The following WWOX variants were observed in gnomAD, a reference collection of about 807,000 sequenced individuals.
WWOX encodes the protein WW domain containing oxidoreductase.
In WWOX, 69 loss-of-function variants were observed where a neutral mutation model predicts 46.2. That is an observed-to-expected ratio of 1.49 (90% CI 1.23 to 1.82). WWOX has a LOEUF of 1.82. Ranked by LOEUF, WWOX falls within the 40% of genes most tolerant of loss-of-function variation. The pLI is 0.00. For missense variants in WWOX, 919 were observed against 542.6 expected (o/e 1.69, Z -6.89); for synonymous variants, 359 against 202.6 (o/e 1.77, Z -6.56).
At chr16:78,662,091 G>A (rs142377943) in intron 8 of WWOX, among the ~76,000 whole-genome samples, 5,243 of 151,898 alleles carry the variant, frequency 0.035, 314 homozygotes, top group African/African-American at 0.12. Flanking sequence ...TGGTGGTGGT[G>A]GTAGTAGTAG....
At chr16:78,784,427 G>A (rs766214314) in intron 8 of WWOX, among the ~76,000 whole-genome samples, 21 of 151,964 alleles carry the variant, frequency 1.4e-4, no homozygotes, top group Non-Finnish European at 3.1e-4. Flanking sequence ...GGAGCCCTTA[G>A]GCCGCTGGTG....
At chr16:78,309,278 C>T (rs1247168325) in intron 5 of WWOX, among the ~76,000 whole-genome samples, 1 of 152,222 alleles carries the variant, frequency 6.6e-6, no homozygotes, top group Non-Finnish European at 1.5e-5. Context: ...TCTCTGCGTT[C>T]ATTCTGCTTC....
At chr16:78,145,956 C>T (rs971384202) in intron 4 of WWOX, 1 of 152,198 alleles carries the variant, frequency 6.6e-6, no homozygotes, top group Non-Finnish European at 1.5e-5. Flanking sequence ...ATCTGTTTCT[C>T]TTCCAAGAAA....
intron 8 of WWOX, among the ~76,000 whole-genome samples, chr16:79,020,528 G>T (rs1433130607): frequency 6.6e-6 from 1 of 152,196 alleles, no homozygotes; most frequent in Non-Finnish European, 1.5e-5. Context: ...AGTATGAAAA[G>T]ACAGGCTAGC....
At chr16:78,524,352 A>G (rs566812873) in intron 8 of WWOX, among the ~76,000 whole-genome samples, 6 of 152,226 alleles carry the variant, frequency 3.9e-5, no homozygotes, top group South Asian at 2.1e-4. Flanking sequence ...ATTAAAATGC[A>G]ACTTAATTGG....
intron 8 of WWOX, among the ~76,000 whole-genome samples, chr16:78,474,251 A>G (rs1369557307): frequency 6.6e-6 from 1 of 152,226 alleles, no homozygotes; most frequent in Non-Finnish European, 1.5e-5. Context: ...TTTTGATCAT[A>G]CTAACCTGGG....
At chr16:78,497,866 AT>A (rs749566824) in intron 8 of WWOX, among the ~76,000 whole-genome samples, 2,458 of 146,864 alleles carry the variant, frequency 0.017, 56 homozygotes, top group Admixed American at 0.043. Context: ...TTATAAAAAA[AT>A]TAAAAAAGCC....
At chr16:78,105,027 G>A (rs377422689) in intron 1 of WWOX, among the ~76,000 whole-genome samples, 2 of 152,312 alleles carry the variant, frequency 1.3e-5, no homozygotes, top group South Asian at 4.1e-4. Context: ...AGCTGGTTCC[G>A]GATTCTTCCC....
intron 8 of WWOX, among the ~76,000 whole-genome samples, chr16:78,724,789 T>C (rs1054337559): frequency 6.6e-6 from 1 of 152,142 alleles, no homozygotes; most frequent in South Asian, 2.1e-4. Context: ...GATTTGATGA[T>C]TTGATGAAGT....
chr16:78,147,607 A>G (rs1395682235), intron 4 of WWOX, among the ~76,000 whole-genome samples: 1 of 151,542 alleles, frequency 6.6e-6, no homozygotes, highest in Non-Finnish European at 1.5e-5. Flanking sequence ...AGGCAAAGTA[A>G]TATACCACTT....
chr16:78,231,238 C>A lies in WWOX; in HGVS notation c.516+66949C>A, dbSNP rs372984568. On this transcript the variant is annotated intron_variant, in intron 5 of 8. Coordinates refer to ENST00000566780, the MANE Select transcript of WWOX (RefSeq NM_016373.4). ...ACTCTTTCAAAGCCTTTTGCAAACT[C>A]TTTTATGGATTTTACTCACTGGTTG... is the stretch of plus-strand genomic sequence containing the variant. Among the ~76,000 whole-genome samples the A allele has an allele frequency of 3.3e-5, 5 of 152,174 alleles. No homozygotes were observed. In the South Asian group the frequency reaches 8.3e-4, roughly 25 times the overall value.
At chr16:78,879,597 G>T (rs924203692) in intron 8 of WWOX, among the ~76,000 whole-genome samples, 1 of 152,146 alleles carries the variant, frequency 6.6e-6, no homozygotes. Flanking sequence ...GGAATTCCTG[G>T]CTGGGCATGA....
intron 8 of WWOX, among the ~76,000 whole-genome samples, chr16:78,514,940 G>A (rs1250549005): frequency 6.6e-6 from 1 of 152,116 alleles, no homozygotes; most frequent in Non-Finnish European, 1.5e-5. Context: ...GAGAATCACA[G>A]GCGTTTTTGA....
At chr16:78,554,471 T>C (rs1023188274) in intron 8 of WWOX, among the ~76,000 whole-genome samples, 4 of 152,054 alleles carry the variant, frequency 2.6e-5, no homozygotes, top group Non-Finnish European at 5.9e-5. Flanking sequence ...GGCTGATGGG[T>C]TGGTAGAAGT....
chr16:78,725,144 T>G (rs2048794516), intron 8 of WWOX, among the ~76,000 whole-genome samples: 1 of 151,966 alleles, frequency 6.6e-6, no homozygotes, highest in African/African-American at 2.4e-5. Flanking sequence ...ATCTGATGGT[T>G]TTATAAGGGG....
chr16:78,763,914 C>T (rs1413555139), intron 8 of WWOX, among the ~76,000 whole-genome samples: 2 of 152,172 alleles, frequency 1.3e-5, no homozygotes, highest in Admixed American at 6.5e-5. Flanking sequence ...CCAAAACCCT[C>T]TTCTATTTCC....
intron 5 of WWOX, chr16:78,270,307 C>G (rs1215955164): frequency 6.6e-6 from 1 of 152,184 alleles, no homozygotes; most frequent in East Asian, 1.9e-4. Flanking sequence ...GGAACGTTGT[C>G]TAGCAAAGAA....
chr16:79,106,150 C>T (rs1051593857), intron 8 of WWOX, among the ~76,000 whole-genome samples: 4 of 152,308 alleles, frequency 2.6e-5, no homozygotes, highest in East Asian at 1.9e-4. Flanking sequence ...AGACCTACTG[C>T]GTCTGGGGGC....
chr16:78,733,149 T>A (rs1436036831), intron 8 of WWOX, among the ~76,000 whole-genome samples: 2 of 152,372 alleles, frequency 1.3e-5, no homozygotes, highest in East Asian at 1.9e-4. Flanking sequence ...TATTTACTTA[T>A]GTTTTTATGC....
Sources: gnomAD v4.1 joint callset for allele counts (sites outside exome capture counted in the v4.1 genomes callset) on GRCh38, gnomAD v4.1.1 for gene constraint, MANE v1.5 for transcripts, NCBI Gene and HGNC (gene_info 2026-07-23, HGNC 2026-07-21) for gene names.